SNTG1: variants seen among roughly 807,000 people sequenced by gnomAD.
SNTG1 encodes the protein gamma-1-syntrophin.
Under a neutral mutation model 74.7 loss-of-function variants are expected in SNTG1, and 39 were observed. The observed-to-expected ratio is 0.52, with a 90% CI of 0.40 to 0.68. The LOEUF (loss-of-function observed/expected upper bound fraction) is 0.68, where lower values mean the gene tolerates loss of function less well. Ranked by LOEUF, SNTG1 falls within the 30% of genes least tolerant of loss-of-function variation. The pLI is 0.00. For synonymous variants in SNTG1, 254 were observed against 217.1 expected (o/e 1.17, Z -1.49); for missense variants, 685 against 609.5 (o/e 1.12, Z -1.30).
intron 1 of SNTG1, among the ~76,000 whole-genome samples, chr8:50,061,976 C>A (rs954074807): frequency 3.3e-5 from 5 of 152,028 alleles, no homozygotes; most frequent in Admixed American, 1.3e-4. Flanking sequence ...TTCTTCACAT[C>A]TTCCATATCC....
chr8:50,600,202 A>T (rs1019594042), intron 13 of SNTG1, among the ~76,000 whole-genome samples: 18 of 152,028 alleles, frequency 1.2e-4, no homozygotes, highest in Admixed American at 1.1e-3. Flanking sequence ...TTGCGTTGAC[A>T]GTATTTTGTT....
chr8:50,777,843 C>G (rs543781028), intron 18 of SNTG1, among the ~76,000 whole-genome samples: 2 of 152,000 alleles, frequency 1.3e-5, no homozygotes, highest in African/African-American at 2.4e-5. Context: ...CTAAAGCTAT[C>G]CCTCCCCTGT....
intron 1 of SNTG1, among the ~76,000 whole-genome samples, chr8:49,999,997 G>T (rs1384575944): frequency 6.6e-6 from 1 of 152,072 alleles, no homozygotes. Context: ...ATTGTATCTG[G>T]TATTGACTTG....
chr8:50,404,487 T>C (rs951118431), intron 4 of SNTG1, among the ~76,000 whole-genome samples: 5 of 152,006 alleles, frequency 3.3e-5, no homozygotes, highest in Non-Finnish European at 5.9e-5. Context: ...AGTTGGAGTG[T>C]TTATTCTACC....
intron 17 of SNTG1, among the ~76,000 whole-genome samples, chr8:50,711,923 T>C (rs1228326357): frequency 1.3e-5 from 2 of 152,190 alleles, no homozygotes; most frequent in Admixed American, 6.5e-5. Flanking sequence ...TATTATTATG[T>C]CAAAGTATAA....
In SNTG1 at chr8:50,792,655, T is replaced by C. The variant is rs1382386829; in HGVS notation, c.1396-16T>C. On this transcript the variant is annotated splice_polypyrimidine_tract_variant and intron_variant, in intron 18 of 18. Transcript: ENST00000642720. ...TAATTTTTATGTTATCTGACCTGTT[T>C]CTCTTTCCCTTTCAGGAGTTGGAAT... 6.3e-7 allele frequency: 1 copy of C among 1,598,686 alleles called. No homozygotes were observed. The highest frequency in any genetic ancestry group is 8.5e-7 in the Non-Finnish European group (1 of 1,173,012).
intron 4 of SNTG1, among the ~76,000 whole-genome samples, chr8:50,406,496 T>C (rs1414119842): frequency 1.3e-5 from 2 of 152,192 alleles, no homozygotes; most frequent in South Asian, 2.1e-4. Context: ...ATAAGTTTAC[T>C]TATTCCTTTC....
chr8:50,115,437 G>C (rs761812012), intron 1 of SNTG1, among the ~76,000 whole-genome samples: 2 of 151,622 alleles, frequency 1.3e-5, no homozygotes, highest in Admixed American at 1.3e-4. Flanking sequence ...ATCATGTCTG[G>C]TGCCTGTAAT....
At chr8:50,541,642 T>C (rs2094347994) in intron 11 of SNTG1, among the ~76,000 whole-genome samples, 1 of 152,182 alleles carries the variant, frequency 6.6e-6, no homozygotes, top group Non-Finnish European at 1.5e-5. Context: ...TCTTAGTATT[T>C]GTCTTTTCTT....
intron 1 of SNTG1, among the ~76,000 whole-genome samples, chr8:50,025,276 A>G (rs563785167): frequency 1.3e-4 from 20 of 152,276 alleles, no homozygotes; most frequent in African/African-American, 4.6e-4. Context: ...TTAGATATCT[A>G]TAATAACCCA....
chr8:50,719,875 A>G (rs2095483575), intron 17 of SNTG1, among the ~76,000 whole-genome samples: 1 of 152,224 alleles, frequency 6.6e-6, no homozygotes, highest in East Asian at 1.9e-4. Context: ...TTTCTCCTTA[A>G]TAGATTTCAA....
intron 13 of SNTG1, among the ~76,000 whole-genome samples, chr8:50,628,222 T>C (rs566602284): frequency 1.8e-4 from 27 of 152,288 alleles, no homozygotes; most frequent in African/African-American, 6.0e-4. Context: ...TTTTTTCTTT[T>C]ATGAGATTTT....
chr8:50,397,693 A>G (rs1372173047), intron 3 of SNTG1, among the ~76,000 whole-genome samples: 4 of 152,202 alleles, frequency 2.6e-5, no homozygotes, highest in African/African-American at 7.2e-5. Context: ...GATAACCATA[A>G]TGCTCTCCAG....
chr8:50,337,798 G>C (rs761029966), intron 2 of SNTG1, among the ~76,000 whole-genome samples: 17 of 152,222 alleles, frequency 1.1e-4, no homozygotes, highest in Non-Finnish European at 2.4e-4. Context: ...CATAATAATA[G>C]TGAAATATAG....
chr8:49,950,980 G>A (rs1164393114), intron 1 of SNTG1, among the ~76,000 whole-genome samples: 1 of 152,166 alleles, frequency 6.6e-6, no homozygotes, highest in Non-Finnish European at 1.5e-5. Context: ...TAAATCTGCT[G>A]TCCGAACAAT....
At chr8:50,597,694 T>C (rs2094740778) in intron 13 of SNTG1, among the ~76,000 whole-genome samples, 1 of 151,950 alleles carries the variant, frequency 6.6e-6, no homozygotes, top group Admixed American at 6.6e-5. Context: ...AGTTGCCCTT[T>C]CTTCACATCC....
chr8:50,299,494 ACAT>A (rs2089546965), intron 2 of SNTG1, among the ~76,000 whole-genome samples: 1 of 152,172 alleles, frequency 6.6e-6, no homozygotes, highest in Admixed American at 6.6e-5. Flanking sequence ...GAACAAAGAG[ACAT>A]CATAGGGTAA....
At chr8:50,731,188 A>C (rs996146699) in intron 17 of SNTG1, among the ~76,000 whole-genome samples, 3 of 152,130 alleles carry the variant, frequency 2.0e-5, no homozygotes, top group Admixed American at 1.3e-4. Flanking sequence ...GCATTGTAAT[A>C]GGGGAAAGCA....
intron 18 of SNTG1, among the ~76,000 whole-genome samples, chr8:50,754,382 T>C (rs1178491434): frequency 1.3e-5 from 2 of 151,980 alleles, no homozygotes; most frequent in Non-Finnish European, 2.9e-5. Flanking sequence ...CTTAAAATTT[T>C]GGTTCTGCTC....
Sources: allele counts gnomAD v4.1 joint callset (sites outside exome capture counted in the v4.1 genomes callset), GRCh38; gene constraint gnomAD v4.1.1; transcripts MANE v1.5; gene names NCBI Gene and HGNC (gene_info 2026-07-23, HGNC 2026-07-21).